The following CAMKK1 variants were observed in gnomAD, a reference collection of about 807,000 sequenced individuals.
The protein encoded by CAMKK1 is calcium/calmodulin-dependent protein kinase kinase 1.
In CAMKK1, 20 loss-of-function variants were observed where a neutral mutation model predicts 63.5. That is an observed-to-expected ratio of 0.32 (90% confidence interval 0.22 to 0.46). The LOEUF is 0.46. Among genes scored for constraint, CAMKK1 ranks in the 20% least tolerant of loss-of-function variants. CAMKK1 has a pLI of 1.00. For synonymous variants in CAMKK1, 253 were observed against 269.0 expected, an observed-to-expected ratio of 0.94 and a Z score of 0.58; for missense variants, 588 against 658.1, an observed-to-expected ratio of 0.89 and a Z score of 1.17.
At position 3,885,645 on chromosome 17, in the gene CAMKK1, C is replaced by G. The variant is rs755234084; in HGVS notation, c.43G>C (p.Glu15Gln). Residue 15 changes from glutamate (E) to glutamine (Q), a missense_variant, in exon 2 of 16, where the codon GAG (glutamate) becomes CAG (glutamine). Glu to Gln is a conservative substitution (Grantham distance 29). Around this residue, in one of 3 missense-constraint regions of CAMKK1, gnomAD observed 357 missense variants for 407.4 expected, o/e 0.88. Coordinates refer to ENST00000348335, the MANE Select transcript of CAMKK1 (RefSeq NM_032294.3). ...ATGGCTGCCACCCGTTCTACCAGCT[C>G]TGCCCGAGGATCCTGGCAGCAGACA... ...PAVCCQDPRA[E>Q]LVERVAAIDV... 2.5e-6 allele frequency: 4 copies of G among 1,613,818 alleles called. No homozygotes were observed. In the East Asian group the frequency reaches 8.9e-5, roughly 36 times the overall value.
At position 3,892,772 on chromosome 17, in the gene CAMKK1, C is replaced by T. The variant is rs998066911; in HGVS notation, c.-44+167G>A. Among the ~76,000 whole-genome samples the T allele has an allele frequency of 1.3e-5, 2 of 152,086 alleles. No homozygotes were observed. Among genetic ancestry groups the T allele is most frequent in the African/African-American group, 2.4e-5 (1 of 41,414 alleles). ...GACTCCGCGAGGCACCCCGCAGACC[C>T]GGCCCCGCAGACAGAAGGGGAAGGA... On this transcript the variant is annotated intron_variant, in intron 1 of 15. Coordinates refer to ENST00000348335, the MANE Select transcript of CAMKK1 (RefSeq NM_032294.3). The surrounding 1 kb of genome is among the most constrained non-coding windows in gnomAD (Gnocchi z 7.5).
intron 14 of CAMKK1, among the ~76,000 whole-genome samples, chr17:3,868,960 CTTTT>C (rs1166090203): frequency 6.8e-6 from 1 of 146,350 alleles, no homozygotes; most frequent in East Asian, 2.0e-4. Context: ...GTATTTCTTT[CTTTT>C]CTTTTCTTCT....
chr17:3,885,384 G>C lies in CAMKK1; in HGVS notation c.304C>G (p.Arg102Gly), dbSNP rs779208023. Residue 102 changes from arginine to glycine, a missense_variant, in exon 2 of 16, where the codon CGG becomes GGG. Arg to Gly is a moderately radical substitution (Grantham distance 125, BLOSUM62 -2). Coordinates refer to ENST00000348335, the MANE Select transcript of CAMKK1 (RefSeq NM_032294.3). ...ATGPASHISPRAWRRPTIESH... is the reference protein window; with the variant it reads ...ATGPASHISPGAWRRPTIESH... ...TCGATGGTGGGCCTCCGCCAGGCCC[G>C]GGGGGAGATGTGGCTGGCAGGCCCC... is the stretch of plus-strand genomic sequence containing the variant. The C allele has an allele frequency of 6.2e-7, 1 of 1,610,398 alleles. No individual in the cohort carries two copies. The highest frequency in any genetic ancestry group is 8.5e-7 in the Non-Finnish European group (1 of 1,178,512).
rs777386537 is a variant in CAMKK1 at position 3,880,364 on chromosome 17, T to A, written c.778A>T (p.Ile260Phe). Residue 260 changes from isoleucine (I) to phenylalanine (F), a missense_variant, in exon 9 of 16, where the codon ATC becomes TTC. Physicochemically the swap from Ile to Phe is conservative, Grantham distance 21. Coordinates refer to ENST00000348335, the MANE Select transcript of CAMKK1 (RefSeq NM_032294.3). ...EQARLYLRDV[I>F]LGLEYLHCQK... is the part of the protein sequence containing the mutation. ...CACTCACAGTACTCGAGGCCCAGGATGACGTCCCGCAGGTAGAGGCGAGCT... is the reference window on the plus strand; with the variant it reads ...CACTCACAGTACTCGAGGCCCAGGAAGACGTCCCGCAGGTAGAGGCGAGCT... The A allele has an allele frequency of 6.2e-7, 1 of 1,613,914 alleles. No homozygotes were observed.
In CAMKK1 at chr17:3,869,000, G is replaced by A. The variant is rs552176133; in HGVS notation, c.1341+487C>T. 6.8e-3 allele frequency among the ~76,000 whole-genome samples: 951 copies of A among 139,038 alleles called. 2 individuals carry two copies. Among genetic ancestry groups the A allele is most frequent in the African/African-American group, 0.016 (573 of 36,928 alleles). The allele number at this position is 139,038 out of a possible 152,430, so 91.2% of individuals were successfully genotyped here. A position where few individuals can be genotyped will look rare whatever the true frequency, so the allele number is the denominator to read the frequency against. ...TTTTTTTTTTTTGAGACGCAGTCTCGCTCTGTGGCCCAGGCTGGAGTGCAG... is the reference window on the plus strand; with the variant it reads ...TTTTTTTTTTTTGAGACGCAGTCTCACTCTGTGGCCCAGGCTGGAGTGCAG... On this transcript the variant is annotated intron_variant, in intron 14 of 15. Coordinates refer to ENST00000348335, the MANE Select transcript of CAMKK1 (RefSeq NM_032294.3).
rs79948078 is a variant in CAMKK1, at chr17:3,875,308, C to T, written c.996+915G>A. ...TCCCCAACGTCTTTCTTTCTTTCTT[C>T]GAGACAAGGTGTCGCTCAGTCACTC... On this transcript the variant is annotated intron_variant, in intron 10 of 15. Coordinates refer to ENST00000348335, the MANE Select transcript of CAMKK1 (RefSeq NM_032294.3). Among the ~76,000 whole-genome samples, 1,277 of 152,204 alleles carry T rather than the reference C, an allele frequency of 8.4e-3. 19 individuals carry two copies. The highest frequency in any genetic ancestry group is 0.03 in the African/African-American group (1,228 of 41,518).
rs1225006738 is a variant in CAMKK1, at chr17:3,883,682, C to G, written c.462+202G>C. ...CCCCTTATTCCCCCAGCAAGCCTTTCTGGAGCTTTCCCCTCAGAGGAATCC... is the reference window on the plus strand; with the variant it reads ...CCCCTTATTCCCCCAGCAAGCCTTTGTGGAGCTTTCCCCTCAGAGGAATCC... On this transcript the variant is annotated intron_variant, in intron 4 of 15. Coordinates refer to ENST00000348335, the MANE Select transcript of CAMKK1 (RefSeq NM_032294.3). This position sits in a 1 kb window ranked among gnomAD's most constrained non-coding sequence, Gnocchi z 4.7. Among the ~76,000 whole-genome samples, 1 of 152,076 alleles carries G rather than the reference C, an allele frequency of 6.6e-6. No individual in the cohort carries two copies. The highest frequency in any genetic ancestry group is 2.4e-5 in the African/African-American group (1 of 41,388).
intron 12 of CAMKK1, among the ~76,000 whole-genome samples, chr17:3,871,288 G>A (rs1235836400): frequency 2.0e-5 from 3 of 150,800 alleles, no homozygotes; most frequent in African/African-American, 7.3e-5. Flanking sequence ...AGGAGTCGCT[G>A]AGTACAAGTC....
At chr17:3,881,759 G>C (rs550752063) in intron 7 of CAMKK1, 111 bp from the exon 8 acceptor site, 37 of 980,300 alleles carry the variant, frequency 3.8e-5, no homozygotes, top group Non-Finnish European at 7.9e-6. Context: ...AGGCATACTC[G>C]AGGCAGGGAC....
chr17:3,891,109 T>TG (rs3048767), intron 1 of CAMKK1, among the ~76,000 whole-genome samples: 5,676 of 133,278 alleles, frequency 0.043, 247 homozygotes, highest in African/African-American at 0.12. Context: ...GGGGCAAGGT[T>TG]GGGGGGGGGG....
chr17:3,882,684 G>A lies in CAMKK1; in HGVS notation c.649-120C>T, dbSNP rs1040357950. 3.9e-5 allele frequency: 37 copies of A among 954,828 alleles called. No individual in the cohort carries two copies. The highest frequency in any genetic ancestry group is 5.4e-5 in the Non-Finnish European group (33 of 616,368). 59.1% of individuals were successfully genotyped at this position (954,828 alleles called of 1,614,324 possible). A position where few individuals can be genotyped will look rare whatever the true frequency, so the allele number is the denominator to read the frequency against. ...GTATGCATGCAACCACCCCAGACAA[G>A]GAAGCAGGAAGTGTACAGGTGGTGC... On this transcript the variant is annotated intron_variant, in intron 6 of 15. Transcript: ENST00000348335. This position sits in a 1 kb window ranked among gnomAD's most constrained non-coding sequence, Gnocchi z 4.3.
rs908377722 is a variant in CAMKK1 at position 3,880,357 on chromosome 17, C to G, written c.785G>C (p.Gly262Ala). 6.2e-7 allele frequency: 1 copy of G among 1,613,946 alleles called. No homozygotes were observed. Among genetic ancestry groups the G allele is most frequent in the Non-Finnish European group, 8.5e-7 (1 of 1,179,962 alleles). Reference protein sequence around the residue: ...ARLYLRDVILGLEYLHCQKIV... With the variant: ...ARLYLRDVILALEYLHCQKIV... ...TGCCCCGCACTCACAGTACTCGAGG[C>G]CCAGGATGACGTCCCGCAGGTAGAG... The change falls in exon 9 of 16, where the codon GGC (glycine) becomes GCC (alanine). Residue 262 changes from glycine (G) to alanine (A), a missense_variant. Transcript: ENST00000348335.
chr17:3,867,959 G>T (rs980422893), intron 14 of CAMKK1, among the ~76,000 whole-genome samples: 7 of 144,402 alleles, frequency 4.8e-5, no homozygotes, highest in Non-Finnish European at 7.6e-5. Flanking sequence ...ACTGTCTAAT[G>T]GATACGCAGG....
chr17:3,870,371 CT>C (rs1163962903), intron 12 of CAMKK1, among the ~76,000 whole-genome samples: 194 of 144,310 alleles, frequency 1.3e-3, no homozygotes, highest in Non-Finnish European at 1.2e-3. Context: ...CCCCAGGGTT[CT>C]TTTTTTTTTT....
At chr17:3,868,116 A>G (rs2054630276) in intron 14 of CAMKK1, among the ~76,000 whole-genome samples, 3 of 74,736 alleles carry the variant, frequency 4.0e-5, no homozygotes, top group Non-Finnish European at 5.0e-5. Flanking sequence ...GGCGCCGTCT[A>G]ACTGATACGT....
rs1296698826 is a variant in CAMKK1, at chr17:3,882,005, G to A, written c.686-357C>T. ...TAAAGCCTCAGCCTCTAATTCCTAA[G>A]CCAGTTCTTCTTCTGCCCCATTTTC... On this transcript the variant is annotated intron_variant, in intron 7 of 15. Coordinates refer to ENST00000348335, the MANE Select transcript of CAMKK1 (RefSeq NM_032294.3). This position sits in a 1 kb window ranked among gnomAD's most constrained non-coding sequence, Gnocchi z 4.3. The A allele has an allele frequency of 9.5e-6, 5 of 528,000 alleles. No individual in the cohort carries two copies. Among genetic ancestry groups the A allele is most frequent in the African/African-American group, 7.6e-5 (4 of 52,320 alleles). The allele number at this position is 528,000 out of a possible 1,614,324, so 32.7% of individuals were successfully genotyped here. A position where few individuals can be genotyped will look rare whatever the true frequency, so the allele number is the denominator to read the frequency against.
Position 3,882,288 on chromosome 17 carries a change from T to C in CAMKK1, c.685+240A>G, listed in dbSNP as rs147284330. The C allele has an allele frequency of 3.8e-4, 614 of 1,614,104 alleles. 1 individual carries two copies. Among genetic ancestry groups the C allele is most frequent in the Admixed American group, 5.0e-4 (30 of 60,012 alleles). Reference sequence around the variant, plus strand: ...GCGCAGCCCACGTGGATCCACTGTCTTGCTGCTCAGAGGGAAGCAGGGAGT... The same window carrying C: ...GCGCAGCCCACGTGGATCCACTGTCCTGCTGCTCAGAGGGAAGCAGGGAGT... On this transcript the variant is annotated intron_variant, in intron 7 of 15. Coordinates refer to ENST00000348335, the MANE Select transcript of CAMKK1 (RefSeq NM_032294.3). The surrounding 1 kb of genome is among the most constrained non-coding windows in gnomAD (Gnocchi z 4.3).
In CAMKK1 at chr17:3,885,695, G is replaced by T; in HGVS notation, c.-8C>A. Reference sequence around the variant, plus strand: ...AGCTGGACCCCCCTCCATTGCTTCAGTCAAGGGGGTTCTTCTGCGTAGCCT... The same window carrying T: ...AGCTGGACCCCCCTCCATTGCTTCATTCAAGGGGGTTCTTCTGCGTAGCCT... On this transcript the variant is annotated 5_prime_UTR_variant, in exon 2 of 16. It adds an upstream start codon to the 5' untranslated region. Transcript: ENST00000348335. 2 of 1,611,684 alleles carry T rather than the reference G, an allele frequency of 1.2e-6. No individual in the cohort carries two copies.
In CAMKK1 at chr17:3,872,347, G is replaced by A. The variant is rs779197890; in HGVS notation, c.1124+207C>T. On this transcript the variant is annotated intron_variant, in intron 12 of 15. Transcript: ENST00000348335. ...CATCCCTGGCCAACCCTGGATCTCA[G>A]GGTTCCCATCCACACAGTGACGTTG... 5.3e-5 allele frequency among the ~76,000 whole-genome samples: 8 copies of A among 152,162 alleles called. No homozygotes were observed. In the South Asian group the frequency reaches 1.7e-3, roughly 31 times the overall value.
Sources: allele counts gnomAD v4.1 joint callset (sites outside exome capture counted in the v4.1 genomes callset), GRCh38; gene constraint gnomAD v4.1.1; regional missense constraint gnomAD v4.1.1; non-coding constraint Gnocchi (gnomAD v3.1); transcripts MANE v1.5; gene names NCBI Gene and HGNC (gene_info 2026-07-23, HGNC 2026-07-21).